Variants in KHDRBS3 observed in about 807,000 individuals in gnomAD.
KHDRBS3 encodes the protein KH RNA binding domain containing, signal transduction associated 3.
In KHDRBS3, 23 loss-of-function variants were observed where a neutral mutation model predicts 45.6. The ratio of observed to expected loss-of-function variants is 0.50; its 90% CI spans 0.36 to 0.72. KHDRBS3 has a LOEUF of 0.72. Among genes scored for constraint, KHDRBS3 ranks in the 30% least tolerant of loss-of-function variants. The pLI is 0.00. For missense variants in KHDRBS3, 352 were observed against 424.8 expected (o/e 0.83, Z 1.51); for synonymous variants, 162 against 156.5 (o/e 1.04, Z -0.26).
chr8:135,460,654 A>C (rs1199802021), intron 1 of KHDRBS3, among the ~76,000 whole-genome samples: 1 of 152,234 alleles, frequency 6.6e-6, no homozygotes, highest in Non-Finnish European at 1.5e-5. Flanking sequence ...AATAGTATAT[A>C]TCCTTTAGGA....
At chr8:135,527,224 T>A (rs1159896372) in intron 2 of KHDRBS3, among the ~76,000 whole-genome samples, 1 of 152,156 alleles carries the variant, frequency 6.6e-6, no homozygotes, top group Non-Finnish European at 1.5e-5. Context: ...AACTGCCAGT[T>A]TTTTTTGGTG....
At chr8:135,561,051 T>C (rs1827143949) in intron 5 of KHDRBS3, among the ~76,000 whole-genome samples, 1 of 152,206 alleles carries the variant, frequency 6.6e-6, no homozygotes, top group Admixed American at 6.5e-5. Flanking sequence ...GCCTTCTTGG[T>C]ACGTGTTTTC....
At chr8:135,652,321 A>G (rs1831446826), downstream of KHDRBS3, among the ~76,000 whole-genome samples, 1 of 152,234 alleles carries the variant, frequency 6.6e-6, no homozygotes, top group African/African-American at 2.4e-5. Flanking sequence ...AAATCTCAGT[A>G]ATGTATTTCA....
At chr8:135,585,228 CAAAAAAAA>C (rs35301059) in intron 6 of KHDRBS3, among the ~76,000 whole-genome samples, 4 of 96,170 alleles carry the variant, frequency 4.2e-5, no homozygotes, top group Admixed American at 2.4e-4. Context: ...GACTCCGTCT[CAAAAAAAA>C]AAAAAAAAAA....
chr8:135,492,516 C>CATATATATATACATAT lies in KHDRBS3; in HGVS notation c.89-28710_89-28709insCATATATATATATATA, dbSNP rs1554616506. Among the ~76,000 whole-genome samples the CATATATATATACATAT allele has an allele frequency of 1.2e-4, 18 of 145,864 alleles. No homozygotes were observed. In the East Asian group the frequency reaches 2.8e-3, roughly 23 times the overall value. On this transcript the variant is annotated intron_variant, in intron 1 of 8. Transcript: ENST00000355849. Reference sequence around the variant, plus strand: ...ATTCATTAGTTTACATATATATATACATATATATATATATATATTTCCTCT... The same window carrying CATATATATATACATAT: ...ATTCATTAGTTTACATATATATATACATATATATATACATATATATATATATATATATATTTCCTCT...
intron 3 of KHDRBS3, among the ~76,000 whole-genome samples, chr8:135,546,274 T>G (rs2130787837): frequency 6.6e-6 from 1 of 152,340 alleles, no homozygotes; most frequent in African/African-American, 2.4e-5. Flanking sequence ...TTTTCAGAAG[T>G]TATCAGTTAA....
At chr8:135,482,518 T>C (rs1238336119) in intron 1 of KHDRBS3, among the ~76,000 whole-genome samples, 2 of 152,212 alleles carry the variant, frequency 1.3e-5, no homozygotes, top group Non-Finnish European at 2.9e-5. Context: ...ATCAGTTACA[T>C]GCTCAGATTG....
chr8:135,631,386 A>G (rs561211759), intron 7 of KHDRBS3, among the ~76,000 whole-genome samples: 1 of 152,218 alleles, frequency 6.6e-6, no homozygotes, highest in East Asian at 1.9e-4. Flanking sequence ...AAACACAAAC[A>G]TATTGTACAA....
intron 1 of KHDRBS3, among the ~76,000 whole-genome samples, chr8:135,505,022 CAA>C (rs908202008): frequency 2.0e-5 from 3 of 152,118 alleles, no homozygotes; most frequent in Admixed American, 1.3e-4. Context: ...CTCAGCAGCT[CAA>C]AGAGATGCTG....
intron 8 of KHDRBS3, 33 bp from the exon 9 acceptor site, chr8:135,646,958 AGT>A: frequency 9.0e-7 from 1 of 1,105,322 alleles, no homozygotes; most frequent in Non-Finnish European, 1.4e-6. Context: ...GATTCATGGC[AGT>A]GATCTAATTG....
At chr8:135,588,362 C>G (rs1404697063) in intron 6 of KHDRBS3, among the ~76,000 whole-genome samples, 2 of 152,170 alleles carry the variant, frequency 1.3e-5, no homozygotes. Context: ...AGGCAGCCAC[C>G]CTCGCGCGGC....
intron 1 of KHDRBS3, among the ~76,000 whole-genome samples, chr8:135,485,775 A>G (rs1471386877): frequency 6.7e-6 from 1 of 149,300 alleles, no homozygotes; most frequent in African/African-American, 2.5e-5. Context: ...AAGCATTTTC[A>G]CCTGTTACTT....
chr8:135,625,370 G>C lies in KHDRBS3; in HGVS notation c.890+18333G>C, dbSNP rs959059270. 3.4e-6 allele frequency: 3 copies of C among 887,270 alleles called. No homozygotes were observed. In the Admixed American group the frequency reaches 5.3e-5, roughly 16 times the overall value. The allele number at this position is 887,270 out of a possible 1,614,324, so 55.0% of individuals were successfully genotyped here. A position where few individuals can be genotyped will look rare whatever the true frequency, so the allele number is the denominator to read the frequency against. On this transcript the variant is annotated intron_variant, in intron 7 of 8. Coordinates refer to ENST00000355849, the MANE Select transcript of KHDRBS3 (RefSeq NM_006558.3). ...CCTCTCTTTCTCCAAGTCTTCAACG[G>C]TAAGTTTCAATACATTGAGTGCTGC...
chr8:135,618,431 A>T (rs1586812786), intron 7 of KHDRBS3, among the ~76,000 whole-genome samples: 1 of 152,330 alleles, frequency 6.6e-6, no homozygotes, highest in East Asian at 1.9e-4. Context: ...TGTCCACAGA[A>T]TTGTAACAAT....
intron 2 of KHDRBS3, among the ~76,000 whole-genome samples, chr8:135,521,718 A>G (rs991216602): frequency 5.3e-5 from 8 of 152,088 alleles, no homozygotes; most frequent in African/African-American, 9.7e-5. Flanking sequence ...ATCATTGTTT[A>G]TGTTTTATTT....
rs932400610 is a variant in KHDRBS3, at chr8:135,469,513, T to TG, written c.88+11559_88+11560insG. On this transcript the variant is annotated intron_variant, in intron 1 of 8. Coordinates refer to ENST00000355849, the MANE Select transcript of KHDRBS3 (RefSeq NM_006558.3). ...CATGTTAGCCAGGATGGTGTTTTTT[T>TG]TTTGTTTTGGTTTTTTTTTTTTTTT... is the stretch of plus-strand genomic sequence containing the variant. Among the ~76,000 whole-genome samples the TG allele has an allele frequency of 9.7e-4, 21 of 21,586 alleles. 2 individuals are homozygous for TG. The highest frequency in any genetic ancestry group is 2.7e-3 in the African/African-American group (21 of 7,816). The allele number at this position is 21,586 out of a possible 152,430, so 14.2% of individuals were successfully genotyped here.
chr8:135,473,306 A>G (rs546529423), intron 1 of KHDRBS3, among the ~76,000 whole-genome samples: 1 of 152,282 alleles, frequency 6.6e-6, no homozygotes, highest in East Asian at 1.9e-4. Context: ...CTTTCCATTT[A>G]GACGACGCGC....
chr8:135,472,003 G>A (rs560501920), intron 1 of KHDRBS3, among the ~76,000 whole-genome samples: 1 of 152,298 alleles, frequency 6.6e-6, no homozygotes, highest in East Asian at 1.9e-4. Flanking sequence ...GGAGATAGTG[G>A]GCACTCAGTG....
intron 4 of KHDRBS3, among the ~76,000 whole-genome samples, chr8:135,654,049 T>G (rs1241130339): frequency 6.6e-6 from 1 of 152,240 alleles, no homozygotes; most frequent in East Asian, 1.9e-4. Flanking sequence ...TTTCCAGAGA[T>G]AGTCTGTGCA....
Sources: allele counts gnomAD v4.1 joint callset (sites outside exome capture counted in the v4.1 genomes callset), GRCh38; gene constraint gnomAD v4.1.1; transcripts MANE v1.5; gene names NCBI Gene and HGNC (gene_info 2026-07-23, HGNC 2026-07-21).